The following SMYD3 variants were observed in gnomAD, a reference collection of about 807,000 sequenced individuals.
SMYD3 encodes the protein histone-lysine N-methyltransferase SMYD3.
A neutral mutation model predicts 57.7 loss-of-function variants in SMYD3; 36 were observed. That is an observed-to-expected ratio of 0.62 (90% CI 0.48 to 0.82). The LOEUF (loss-of-function observed/expected upper bound fraction) is 0.82, where lower values mean the gene tolerates loss of function less well. Ranked by LOEUF, SMYD3 falls within the 40% of genes least tolerant of loss-of-function variation. The pLI is 0.00. For missense variants in SMYD3, 515 were observed against 538.8 expected (o/e 0.96, Z 0.44); for synonymous variants, 211 against 195.0 (o/e 1.08, Z -0.68).
intron 5 of SMYD3, among the ~76,000 whole-genome samples, chr1:246,109,369 C>G (rs774906071): frequency 6.6e-6 from 1 of 152,112 alleles, no homozygotes; most frequent in Non-Finnish European, 1.5e-5. Flanking sequence ...GAAGAGTAGC[C>G]CTACAGCAGT....
At chr1:246,383,168 G>A (rs1021537062) in intron 1 of SMYD3, among the ~76,000 whole-genome samples, 1 of 152,226 alleles carries the variant, frequency 6.6e-6, no homozygotes, top group African/African-American at 2.4e-5. Flanking sequence ...CCCTCAGGAG[G>A]CGGAAAGAAG....
chr1:246,234,649 G>C (rs58818843), intron 5 of SMYD3, among the ~76,000 whole-genome samples: 39,802 of 150,724 alleles, frequency 0.26, 6,041 homozygotes, highest in East Asian at 0.58. Flanking sequence ...CCACTATGTA[G>C]TTTACATTTT....
At chr1:245,824,158 GA>G (rs1466407402) in intron 10 of SMYD3, among the ~76,000 whole-genome samples, 1 of 152,176 alleles carries the variant, frequency 6.6e-6, no homozygotes, top group Non-Finnish European at 1.5e-5. Context: ...CCAAAGTAGG[GA>G]AACAGCGGTA....
At chr1:245,867,913 A>G (rs2051970318) in intron 8 of SMYD3, among the ~76,000 whole-genome samples, 1 of 152,364 alleles carries the variant, frequency 6.6e-6, no homozygotes. Context: ...ACATGAGGCC[A>G]GCATGGCCAG....
chr1:246,114,838 G>A (rs1219112551), intron 5 of SMYD3, among the ~76,000 whole-genome samples: 1 of 152,130 alleles, frequency 6.6e-6, no homozygotes, highest in Non-Finnish European at 1.5e-5. Context: ...CACCATGTTG[G>A]CCAGGCTGGT....
At chr1:246,485,294 A>T (rs536319397) in intron 1 of SMYD3, among the ~76,000 whole-genome samples, 13 of 152,356 alleles carry the variant, frequency 8.5e-5, no homozygotes, top group Admixed American at 5.9e-4. Flanking sequence ...ACCTGAAAAC[A>T]TATCACTTCA....
At chr1:245,885,900 C>T (rs2053063637) in intron 8 of SMYD3, among the ~76,000 whole-genome samples, 1 of 152,034 alleles carries the variant, frequency 6.6e-6, no homozygotes, top group South Asian at 2.1e-4. Flanking sequence ...TTTCCTCATC[C>T]TCTGAGGCTG....
intron 10 of SMYD3, among the ~76,000 whole-genome samples, chr1:245,768,210 C>T (rs2046195437): frequency 6.6e-6 from 1 of 152,018 alleles, no homozygotes; most frequent in Admixed American, 6.6e-5. Context: ...GAATGCTTGG[C>T]CTAGATTGGA....
intron 1 of SMYD3, among the ~76,000 whole-genome samples, chr1:246,448,980 C>G (rs984953344): frequency 1.3e-5 from 2 of 152,118 alleles, no homozygotes; most frequent in Admixed American, 1.3e-4. Flanking sequence ...GTAATCCCAA[C>G]ACTTTGGGAA....
chr1:246,169,920 C>T (rs1458505440), intron 5 of SMYD3, among the ~76,000 whole-genome samples: 1 of 150,860 alleles, frequency 6.6e-6, no homozygotes, highest in African/African-American at 2.4e-5. Context: ...AAAAAAGATA[C>T]AGCAAGAAAT....
chr1:245,874,686 T>C (rs774913169), intron 8 of SMYD3, among the ~76,000 whole-genome samples: 18 of 152,168 alleles, frequency 1.2e-4, no homozygotes, highest in Non-Finnish European at 2.4e-4. Context: ...GGAAAGAAAT[T>C]ACTTTAATCT....
intron 5 of SMYD3, among the ~76,000 whole-genome samples, chr1:246,193,460 T>TA (rs916471163): frequency 2.0e-5 from 3 of 152,200 alleles, no homozygotes; most frequent in Non-Finnish European, 4.4e-5. Context: ...TACCCTTCAA[T>TA]AAAACTCTAG....
At chr1:246,343,403 G>A (rs1349255746) in intron 2 of SMYD3, among the ~76,000 whole-genome samples, 2 of 152,184 alleles carry the variant, frequency 1.3e-5, no homozygotes, top group Non-Finnish European at 2.9e-5. Context: ...ATCAATGGAT[G>A]AGTGGCAGGG....
At chr1:245,943,607 A>G (rs1401176985) in intron 5 of SMYD3, among the ~76,000 whole-genome samples, 2 of 152,212 alleles carry the variant, frequency 1.3e-5, no homozygotes, top group African/African-American at 4.8e-5. Context: ...ATTGAAAAAG[A>G]GGGACTCCTC....
chr1:245,810,816 C>T (rs532204499), intron 10 of SMYD3, among the ~76,000 whole-genome samples: 4 of 152,154 alleles, frequency 2.6e-5, no homozygotes, highest in African/African-American at 7.2e-5. Flanking sequence ...AATATGGGCA[C>T]GATGCTGAAA....
At chr1:245,826,415 A>G (rs1423583847) in intron 10 of SMYD3, among the ~76,000 whole-genome samples, 1 of 151,990 alleles carries the variant, frequency 6.6e-6, no homozygotes, top group Non-Finnish European at 1.5e-5. Context: ...GGGTCTCACT[A>G]TGTTGCCCAG....
chr1:246,277,084 GTAAA>G (rs1352327040), intron 5 of SMYD3, among the ~76,000 whole-genome samples: 1 of 152,138 alleles, frequency 6.6e-6, no homozygotes, highest in Non-Finnish European at 1.5e-5. Flanking sequence ...TTAGCACATG[GTAAA>G]TAATATGTTT....
At chr1:245,909,253 G>A (rs10924383) in intron 8 of SMYD3, among the ~76,000 whole-genome samples, 18,005 of 151,996 alleles carry the variant, frequency 0.12, 1,815 homozygotes, top group African/African-American at 0.27. Context: ...AGGTTAAACC[G>A]TGAAGAAAAC....
chr1:246,334,424 T>C (rs544333322), intron 3 of SMYD3, among the ~76,000 whole-genome samples: 1 of 152,222 alleles, frequency 6.6e-6, no homozygotes, highest in South Asian at 2.1e-4. Context: ...ATGAATGCAG[T>C]TGGAGGGCAT....
Sources: gnomAD v4.1 joint callset for allele counts (sites outside exome capture counted in the v4.1 genomes callset) on GRCh38, gnomAD v4.1.1 for gene constraint, MANE v1.5 for transcripts, NCBI Gene and HGNC (gene_info 2026-07-23, HGNC 2026-07-21) for gene names.